Variants in USP39 observed in about 807,000 individuals in gnomAD.
USP39 encodes the protein ubiquitin carboxyl-terminal hydrolase 39.
Under a neutral mutation model 66.4 loss-of-function variants are expected in USP39, and 38 were observed. The ratio of observed to expected loss-of-function variants is 0.57; its 90% CI spans 0.44 to 0.75. The LOEUF (loss-of-function observed/expected upper bound fraction) is 0.75, where lower values mean the gene tolerates loss of function less well. USP39 is among the 30% of genes least tolerant of loss of function. USP39 has a pLI of 0.00. For missense variants in USP39, 608 were observed against 714.4 expected, an observed-to-expected ratio of 0.85 and a Z score of 1.70; for synonymous variants, 303 against 274.6, an observed-to-expected ratio of 1.10 and a Z score of -1.02.
intron 1 of USP39, among the ~76,000 whole-genome samples, chr2:85,616,787 C>T (rs1674010091): frequency 6.6e-6 from 1 of 151,138 alleles, no homozygotes; most frequent in Admixed American, 6.6e-5. Flanking sequence ...AAACGATTCT[C>T]CTACCTCCGC....
At position 85,630,916 on chromosome 2, in the gene USP39, A is replaced by C; in HGVS notation, c.919A>C (p.Ser307Arg). ...HEMLQAVVLC[S>R]KKTFQITKQG... ...GATGCTTCAGGCAGTTGTACTTTGC[A>C]GTAAGAAGACTTTTCAGATCACCAA... is the stretch of plus-strand genomic sequence containing the variant. Residue 307 changes from serine (S) to arginine (R), a missense_variant, in exon 6 of 13, where the codon AGT becomes CGT. Ser to Arg is a moderately radical substitution (Grantham distance 110). This residue lies in a region of USP39 where 72 missense variants were observed against 60.1 expected (regional missense o/e 1.20). Transcript: ENST00000323701. 1 of 1,614,240 alleles carries C rather than the reference A, an allele frequency of 6.2e-7. No individual in the cohort carries two copies. The highest frequency in any genetic ancestry group is 8.5e-7 in the Non-Finnish European group (1 of 1,180,040).
At chr2:85,643,138 G>A (rs1412373348) in intron 10 of USP39, among the ~76,000 whole-genome samples, 5 of 151,702 alleles carry the variant, frequency 3.3e-5, no homozygotes, top group Non-Finnish European at 5.9e-5. Context: ...ATGATTAAAC[G>A]TAGTATTTCT....
chr2:85,606,638 C>A (rs140653291), intron 1 of USP39: 1 of 152,174 alleles, frequency 6.6e-6, no homozygotes, highest in Non-Finnish European at 1.5e-5. Context: ...AGTGTATATG[C>A]ACTTGAAAAG....
upstream of USP39, chr2:85,616,043 G>C: frequency 1.5e-6 from 2 of 1,293,088 alleles, no homozygotes; most frequent in South Asian, 5.1e-5. Context: ...TGCAGGAACA[G>C]CACCGCCCAC....
rs1676526140 is a variant in USP39, at chr2:85,644,955, G to T, written c.1435G>T (p.Asp479Tyr). 12 of 1,613,988 alleles carry T rather than the reference G, an allele frequency of 7.4e-6. No individual in the cohort carries two copies. Among genetic ancestry groups the T allele is most frequent in the Non-Finnish European group, 1.0e-5 (12 of 1,179,952 alleles). The change falls in exon 11 of 13, where the codon GAT becomes TAT. Residue 479 changes from aspartate to tyrosine, a missense_variant. Transcript: ENST00000323701. ...TATTTTAACCATTAACAGAAATGTG[G>T]ATCTGAGAGAATACTTGTCTGAAGA... is the stretch of plus-strand genomic sequence containing the variant. Reference protein sequence around the residue: ...TIVNFPITNVDLREYLSEEVQ... With the variant: ...TIVNFPITNVYLREYLSEEVQ...
At chr2:85,634,593 G>C (rs1223484590) in intron 6 of USP39, among the ~76,000 whole-genome samples, 6 of 152,054 alleles carry the variant, frequency 3.9e-5, no homozygotes, top group Non-Finnish European at 8.8e-5. Flanking sequence ...AAATCTGGGT[G>C]CCTCACCCTT....
chr2:85,615,237 T>G (rs1030788826), upstream of USP39, among the ~76,000 whole-genome samples: 1 of 152,094 alleles, frequency 6.6e-6, no homozygotes, highest in Non-Finnish European at 1.5e-5. Context: ...GCCAGGCTGG[T>G]CTCCAGTCCT....
At chr2:85,620,000 G>A (rs1428073930) in intron 2 of USP39, among the ~76,000 whole-genome samples, 1 of 151,916 alleles carries the variant, frequency 6.6e-6, no homozygotes, top group Non-Finnish European at 1.5e-5. Flanking sequence ...GATTACAGGT[G>A]CCCGCCACCA....
Position 85,627,723 on chromosome 2 carries a change from C to T in USP39, c.723+2032C>T, listed in dbSNP as rs375710133. Among the ~76,000 whole-genome samples, 74 of 151,904 alleles carry T rather than the reference C, an allele frequency of 4.9e-4. 1 individual carries two copies. In the South Asian group the frequency reaches 0.011, roughly 23 times the overall value. On this transcript the variant is annotated intron_variant, in intron 5 of 12. Transcript: ENST00000323701. ...CTGAGGTGGGAGGATCCCTTCAGCC[C>T]AGGAGTTCGAGGCTGTTGGAGAAGT...
chr2:85,609,325 G>A (rs562980191), upstream of USP39: 6 of 1,457,354 alleles, frequency 4.1e-6, no homozygotes, highest in South Asian at 5.3e-5. Flanking sequence ...CTCACATGTG[G>A]AGCAGACGCT....
At chr2:85,604,806 T>C (rs1673158374) in intron 1 of USP39, among the ~76,000 whole-genome samples, 1 of 152,220 alleles carries the variant, frequency 6.6e-6, no homozygotes, top group Admixed American at 6.5e-5. Flanking sequence ...TATATCTTCT[T>C]GAGCTGGGTT....
intron 5 of USP39, 67 bp from the exon 6 acceptor site, chr2:85,630,654 T>C: frequency 1.4e-6 from 2 of 1,469,944 alleles, no homozygotes; most frequent in South Asian, 2.4e-5. Context: ...AGAACTTTAA[T>C]TGGAAGAGCT....
chr2:85,616,653 A>C (rs1673991318), intron 1 of USP39, among the ~76,000 whole-genome samples, 190 bp downstream of exon 1: 1 of 150,322 alleles, frequency 6.7e-6, no homozygotes, highest in Non-Finnish European at 1.5e-5. Context: ...TACCCTTCTC[A>C]ATAATCGTAT....
At chr2:85,643,317 C>T (rs1035870379) in intron 10 of USP39, among the ~76,000 whole-genome samples, 2 of 151,850 alleles carry the variant, frequency 1.3e-5, no homozygotes, top group African/African-American at 2.4e-5. Flanking sequence ...GGTGAAACCC[C>T]GTCTCTACTA....
intron 11 of USP39, among the ~76,000 whole-genome samples, chr2:85,646,614 A>G (rs2104364833): frequency 6.6e-6 from 1 of 152,298 alleles, no homozygotes; most frequent in African/African-American, 2.4e-5. Flanking sequence ...TGTTTCCTAT[A>G]TTCTCAACTA....
At chr2:85,633,235 C>T (rs1019263891) in intron 6 of USP39, among the ~76,000 whole-genome samples, 2 of 152,070 alleles carry the variant, frequency 1.3e-5, no homozygotes, top group Non-Finnish European at 2.9e-5. Flanking sequence ...ATTCTGCCGC[C>T]TCAGCCTCCC....
At chr2:85,611,186 C>T, upstream of USP39, 1 of 1,061,852 alleles carries the variant, frequency 9.4e-7, no homozygotes, top group Non-Finnish European at 1.2e-6. Flanking sequence ...CCAGCCTGGG[C>T]GACAGAGACC....
chr2:85,637,378 C>G lies in USP39; in HGVS notation c.1037C>G (p.Thr346Ser). The change falls in exon 8 of 13, where the codon ACT becomes AGT. Residue 346 changes from threonine to serine, a missense_variant. By Grantham distance (58) the Thr-to-Ser change is moderately conservative. Transcript: ENST00000323701. The part of the protein sequence containing the change: ...GTKKKKKTIV[T>S]DVFQGSMRIF... ...CTTCCTGTTTGTGCAGCTATTGTGA[C>G]TGATGTTTTCCAGGGGTCCATGAGG... 6.2e-7 allele frequency: 1 copy of G among 1,614,170 alleles called. No homozygotes were observed. Among genetic ancestry groups the G allele is most frequent in the Non-Finnish European group, 8.5e-7 (1 of 1,180,028 alleles).
chr2:85,622,050 C>T (rs561569028), intron 3 of USP39, among the ~76,000 whole-genome samples: 1 of 151,956 alleles, frequency 6.6e-6, no homozygotes, highest in Non-Finnish European at 1.5e-5. Context: ...GAACTCCTGG[C>T]CGCAGGTGAT....
Sources: gnomAD v4.1 joint callset for allele counts (sites outside exome capture counted in the v4.1 genomes callset) on GRCh38, gnomAD v4.1.1 for gene constraint, gnomAD v4.1.1 regional missense constraint, MANE v1.5 for transcripts, NCBI Gene and HGNC (gene_info 2026-07-23, HGNC 2026-07-21) for gene names.